TANC1: variants seen among roughly 807,000 people sequenced by gnomAD.
TANC1 encodes protein TANC1.
In TANC1, 77 loss-of-function variants were observed where a neutral mutation model predicts 149.7. The observed-to-expected ratio is 0.51, with a 90% CI of 0.43 to 0.62. The LOEUF is 0.62. TANC1 is among the 20% of genes least tolerant of loss of function. The pLI is 0.00. For missense variants in TANC1, 1,985 were observed against 2,321.8 expected (o/e 0.85, Z 2.98); for synonymous variants, 854 against 925.0 (o/e 0.92, Z 1.39).
At chr2:159,214,689 C>T (rs2059235966) in intron 19 of TANC1, among the ~76,000 whole-genome samples, 2 of 152,208 alleles carry the variant, frequency 1.3e-5, no homozygotes, top group South Asian at 4.1e-4. Flanking sequence ...AGCATCTTGA[C>T]AGCTGGCAGA....
In TANC1 at chr2:159,228,894, CA is replaced by C; in HGVS notation, c.4150del (p.Arg1384GlyfsTer14). 1.2e-6 allele frequency: 2 copies of C among 1,611,498 alleles called. No homozygotes were observed. The highest frequency in any genetic ancestry group is 1.7e-6 in the Non-Finnish European group (2 of 1,177,650). ...YARARAKRNS[R>X]QFVAALADLQ... ...CCAGAGCAAGAGCGAAGAGAAATAG[CA>C]GGTACCGTCTGTGGTTATCTTTGTG... On this transcript the variant is annotated frameshift_variant and splice_region_variant, in exon 26 of 27. Transcript: ENST00000263635. LOFTEE classifies it low-confidence loss of function (END_TRUNC).
chr2:159,199,101 T>G lies in TANC1; in HGVS notation c.3244+48T>G, dbSNP rs748075552. On this transcript the variant is annotated intron_variant, in intron 19 of 26. Coordinates refer to ENST00000263635, the MANE Select transcript of TANC1 (RefSeq NM_033394.3). ...TAGTCTGGGGCAGCTTGCTTGATGT[T>G]TTAGCCCTATTTTGGCCTAATTGTC... 27 of 1,477,776 alleles carry G rather than the reference T, an allele frequency of 1.8e-5. 1 individual carries two copies. In the South Asian group the frequency reaches 3.1e-4, roughly 17 times the overall value. The allele number at this position is 1,477,776 out of a possible 1,614,324, so 91.5% of individuals were successfully genotyped here. A position where few individuals can be genotyped will look rare whatever the true frequency, so the allele number is the denominator to read the frequency against.
chr2:159,093,695 G>A (rs557386313), intron 3 of TANC1, among the ~76,000 whole-genome samples: 2 of 152,168 alleles, frequency 1.3e-5, no homozygotes, highest in African/African-American at 4.8e-5. Flanking sequence ...GTTTGAGAGT[G>A]ATTATAGTGA....
intron 2 of TANC1, among the ~76,000 whole-genome samples, chr2:159,054,598 G>A (rs2041710227): frequency 6.6e-6 from 1 of 152,192 alleles, no homozygotes; most frequent in African/African-American, 2.4e-5. Flanking sequence ...GCCTTTCACA[G>A]GCATCTTTGA....
chr2:159,139,693 A>G (rs931377966), intron 5 of TANC1, among the ~76,000 whole-genome samples: 8 of 152,248 alleles, frequency 5.3e-5, no homozygotes, highest in Non-Finnish European at 7.3e-5. Flanking sequence ...ATCTCAAAAT[A>G]TGATGAAACT....
At chr2:159,114,694 T>G (rs2048060965) in intron 4 of TANC1, among the ~76,000 whole-genome samples, 1 of 152,244 alleles carries the variant, frequency 6.6e-6, no homozygotes, top group Non-Finnish European at 1.5e-5. Context: ...TTTCTTCCTT[T>G]CAACCTGGAA....
intron 7 of TANC1, among the ~76,000 whole-genome samples, chr2:159,155,915 T>G (rs1482875697): frequency 6.6e-6 from 1 of 152,204 alleles, no homozygotes; most frequent in East Asian, 1.9e-4. Flanking sequence ...TATCATGGGC[T>G]GACTTTTATC....
intron 2 of TANC1, among the ~76,000 whole-genome samples, chr2:159,026,399 C>CT (rs1195821696): frequency 5.9e-5 from 9 of 152,032 alleles, no homozygotes; most frequent in Non-Finnish European, 1.3e-4. Context: ...CTATGTTGCC[C>CT]TTTTTTTTGA....
chr2:159,213,343 C>G (rs774689554), intron 19 of TANC1, among the ~76,000 whole-genome samples: 1 of 152,040 alleles, frequency 6.6e-6, no homozygotes. Context: ...GGGACCAGAA[C>G]TGGTTTGTGT....
intron 2 of TANC1, among the ~76,000 whole-genome samples, chr2:159,041,360 C>CT (rs1341528906): frequency 1.3e-5 from 2 of 152,160 alleles, no homozygotes; most frequent in African/African-American, 4.8e-5. Flanking sequence ...TTTCTGCTGC[C>CT]TTTTTTTCAG....
intron 16 of TANC1, 39 bp from the exon 17 acceptor site, chr2:159,194,218 A>T: frequency 6.5e-7 from 1 of 1,533,998 alleles, no homozygotes; most frequent in South Asian, 1.1e-5. Context: ...TTTAGATGAC[A>T]TACATGTGAC....
At chr2:158,985,472 A>G (rs939666301) in intron 1 of TANC1, among the ~76,000 whole-genome samples, 26 of 152,236 alleles carry the variant, frequency 1.7e-4, no homozygotes, top group African/African-American at 5.8e-4. Context: ...TCTGCAGGGC[A>G]TGGCTGAACA....
chr2:159,207,583 T>C (rs2058689862), intron 19 of TANC1, among the ~76,000 whole-genome samples: 1 of 150,518 alleles, frequency 6.6e-6, no homozygotes, highest in African/African-American at 2.4e-5. Flanking sequence ...ACCTGTAATC[T>C]CAGCTACTCA....
At chr2:159,054,582 A>AT (rs1345952948) in intron 2 of TANC1, among the ~76,000 whole-genome samples, 1 of 152,200 alleles carries the variant, frequency 6.6e-6, no homozygotes, top group African/African-American at 2.4e-5. Context: ...TCTGTGATGA[A>AT]TAGCTGCCTT....
At chr2:159,147,757 C>G (rs1378957885) in intron 5 of TANC1, 2 of 152,288 alleles carry the variant, frequency 1.3e-5, no homozygotes, top group African/African-American at 4.8e-5. Context: ...TAAAAAACAT[C>G]CAAGCTGGCA....
intron 2 of TANC1, among the ~76,000 whole-genome samples, chr2:159,031,067 G>T (rs1043725657): frequency 1.3e-5 from 2 of 152,200 alleles, no homozygotes; most frequent in Non-Finnish European, 2.9e-5. Flanking sequence ...AGCCCCTGAG[G>T]AGTTAGCAGC....
chr2:158,985,178 T>C (rs2034857186), intron 1 of TANC1, among the ~76,000 whole-genome samples: 1 of 152,154 alleles, frequency 6.6e-6, no homozygotes, highest in Non-Finnish European at 1.5e-5. Context: ...GTTGAATACC[T>C]TTGAGTGTGC....
chr2:159,141,797 G>A (rs1339939956), intron 5 of TANC1, among the ~76,000 whole-genome samples: 1 of 152,182 alleles, frequency 6.6e-6, no homozygotes, highest in African/African-American at 2.4e-5. Flanking sequence ...GGACTAAGGT[G>A]CAAGGAGCAC....
intron 3 of TANC1, among the ~76,000 whole-genome samples, chr2:159,068,646 A>G (rs754202011): frequency 2.4e-4 from 37 of 152,246 alleles, no homozygotes; most frequent in African/African-American, 7.7e-4. Flanking sequence ...GTTATCACCT[A>G]TATCTATAGG....
Sources: allele counts gnomAD v4.1 joint callset (sites outside exome capture counted in the v4.1 genomes callset), GRCh38; gene constraint gnomAD v4.1.1; transcripts MANE v1.5; gene names NCBI Gene and HGNC (gene_info 2026-07-23, HGNC 2026-07-21).